The following HDAC4 variants were observed in gnomAD, a reference collection of about 807,000 sequenced individuals.
HDAC4 encodes the protein histone deacetylase A.
In HDAC4, 16 loss-of-function variants were observed where a neutral mutation model predicts 135.1. The observed-to-expected ratio is 0.12, with a 90% CI of 0.08 to 0.18. HDAC4 has a LOEUF of 0.18. HDAC4 is among the 10% of genes least tolerant of loss of function. The pLI, the probability that HDAC4 is intolerant of heterozygous loss-of-function variation, is 1.00. For synonymous variants in HDAC4, 685 were observed against 653.4 expected (o/e 1.05, Z -0.74); for missense variants, 1,143 against 1,511.8 (o/e 0.76, Z 4.05).
At chr2:239,385,112 C>T (rs902627647) in intron 1 of HDAC4, among the ~76,000 whole-genome samples, 1 of 152,224 alleles carries the variant, frequency 6.6e-6, no homozygotes, top group Non-Finnish European at 1.5e-5. Context: ...CACCTTGCTT[C>T]CCGGCCGCCT....
At chr2:239,236,456 C>T (rs990662720) in intron 3 of HDAC4, 137 bp downstream of exon 3, 19 of 678,822 alleles carry the variant, frequency 2.8e-5, no homozygotes, top group Non-Finnish European at 4.0e-5. Context: ...CCAGGAAGAG[C>T]ACCCAAATTC....
intron 2 of HDAC4, among the ~76,000 whole-genome samples, chr2:239,237,137 T>G (rs2047931713): frequency 6.6e-6 from 1 of 152,192 alleles, no homozygotes; most frequent in Non-Finnish European, 1.5e-5. Context: ...CCACTCTAGC[T>G]GCAAATAGGC....
intron 2 of HDAC4, among the ~76,000 whole-genome samples, chr2:239,351,436 G>A (rs1473113733): frequency 6.6e-6 from 1 of 152,144 alleles, no homozygotes; most frequent in Non-Finnish European, 1.5e-5. Context: ...ACTATGTTTA[G>A]ACACAGAAAA....
intron 11 of HDAC4, among the ~76,000 whole-genome samples, chr2:239,133,199 CAAG>C (rs2040716821): frequency 2.6e-5 from 4 of 152,194 alleles, no homozygotes; most frequent in Admixed American, 2.6e-4. Context: ...CAGCACAAAA[CAAG>C]AAAACACCAA....
At position 239,102,739 on chromosome 2, in the gene HDAC4, A is replaced by C. The variant is rs769490199; in HGVS notation, c.2233+37T>G. ...TGGAAACACAACCTCAGGGGACTTC[A>C]AACCCAATATGGGAGGAAAGGAAGG... On this transcript the variant is annotated intron_variant, in intron 16 of 26. Coordinates refer to ENST00000543185, the MANE Select transcript of HDAC4 (RefSeq NM_001378414.1). The C allele has an allele frequency of 2.5e-6, 4 of 1,612,868 alleles. No individual in the cohort carries two copies. In the East Asian group the frequency reaches 8.9e-5, roughly 36 times the overall value.
intron 4 of HDAC4, among the ~76,000 whole-genome samples, chr2:239,188,304 T>C (rs2044685493): frequency 1.3e-5 from 2 of 152,210 alleles, no homozygotes; most frequent in South Asian, 4.1e-4. Flanking sequence ...TTTACCTCCA[T>C]TTCTCGACAG....
At chr2:239,322,635 C>T (rs2053352295) in intron 2 of HDAC4, among the ~76,000 whole-genome samples, 1 of 152,190 alleles carries the variant, frequency 6.6e-6, no homozygotes, top group African/African-American at 2.4e-5. Context: ...CAGTAGACCC[C>T]AGTGCTTACA....
At chr2:239,176,749 G>T (rs1345272433) in intron 4 of HDAC4, among the ~76,000 whole-genome samples, 186 bp from the exon 5 acceptor site, 1 of 152,184 alleles carries the variant, frequency 6.6e-6, no homozygotes, top group Non-Finnish European at 1.5e-5. Flanking sequence ...TCCGGGCTCT[G>T]GGCATTGTCT....
Position 239,303,747 on chromosome 2 carries a change from T to G in HDAC4, c.22+48931A>C, listed in dbSNP as rs1340480908. ...GGGCAGCAACTGCAGGCCTCACCCCTCACTCTTCAAAAGCGACTGCGACAG... is the reference window on the plus strand; with the variant it reads ...GGGCAGCAACTGCAGGCCTCACCCCGCACTCTTCAAAAGCGACTGCGACAG... On this transcript the variant is annotated intron_variant, in intron 2 of 26. Coordinates refer to ENST00000543185, the MANE Select transcript of HDAC4 (RefSeq NM_001378414.1). The surrounding 1 kb of genome is among the most constrained non-coding windows in gnomAD (Gnocchi z 5.1). Among the ~76,000 whole-genome samples, 1 of 152,132 alleles carries G rather than the reference T, an allele frequency of 6.6e-6. No individual in the cohort carries two copies. The highest frequency in any genetic ancestry group is 2.4e-5 in the African/African-American group (1 of 41,432).
chr2:239,072,314 C>T (rs1253049181), intron 22 of HDAC4, among the ~76,000 whole-genome samples: 2 of 152,208 alleles, frequency 1.3e-5, no homozygotes, highest in African/African-American at 2.4e-5. Context: ...GCATTTTCTA[C>T]GAACTTTTAA....
intron 3 of HDAC4, among the ~76,000 whole-genome samples, chr2:239,206,775 A>G (rs1377979532): frequency 1.3e-5 from 2 of 152,230 alleles, no homozygotes; most frequent in African/African-American, 2.4e-5. Flanking sequence ...CCTGGTACCA[A>G]AAGTCAAACC....
intron 3 of HDAC4, among the ~76,000 whole-genome samples, chr2:239,199,564 G>A (rs1257951576): frequency 2.0e-5 from 3 of 152,074 alleles, no homozygotes; most frequent in Non-Finnish European, 4.4e-5. Flanking sequence ...CTCCAAACTC[G>A]AGCAGTGAGG....
intron 1 of HDAC4, among the ~76,000 whole-genome samples, chr2:239,374,094 A>G (rs972980770): frequency 9.2e-5 from 14 of 152,222 alleles, no homozygotes; most frequent in Non-Finnish European, 4.4e-5. Context: ...GAGAACAGTG[A>G]TGCTATGGCG....
At chr2:239,398,397 C>G (rs1696710219) in intron 1 of HDAC4, among the ~76,000 whole-genome samples, 1 of 152,216 alleles carries the variant, frequency 6.6e-6, no homozygotes, top group Non-Finnish European at 1.5e-5. Flanking sequence ...GCATTGAAAC[C>G]TCACAATGAA....
intron 3 of HDAC4, among the ~76,000 whole-genome samples, chr2:239,221,866 C>T (rs184542108): frequency 6.6e-6 from 1 of 152,270 alleles, no homozygotes; most frequent in Non-Finnish European, 1.5e-5. Context: ...GAAGCTATCA[C>T]GAACTTTGAG....
chr2:239,054,758 C>T lies in HDAC4; in HGVS notation c.3079G>A (p.Glu1027Lys), dbSNP rs1452569685. 8 of 1,611,508 alleles carry T rather than the reference C, an allele frequency of 5.0e-6. No individual in the cohort carries two copies. The highest frequency in any genetic ancestry group is 1.1e-5 in the South Asian group (1 of 91,024). Residue 1027 changes from glutamate to lysine, a missense_variant, in exon 25 of 27, where the codon GAG becomes AAG. Glu to Lys is a moderately conservative substitution (Grantham distance 56, BLOSUM62 1). Transcript: ENST00000543185. ...NAVRSMEKVM[E>K]IHSKYWRCLQ... Reference sequence around the variant, plus strand: ...CAGCCAGGCAACTTACTGTGGATCTCCATGACTTTCTCCATGGAACGGACA... The same window carrying T: ...CAGCCAGGCAACTTACTGTGGATCTTCATGACTTTCTCCATGGAACGGACA...
In HDAC4 at chr2:239,146,756, C is replaced by T. The variant is rs2041792658; in HGVS notation, c.734-2042G>A. On this transcript the variant is annotated intron_variant, in intron 7 of 26. Transcript: ENST00000543185. The surrounding 1 kb of genome is among the most constrained non-coding windows in gnomAD (Gnocchi z 4.5). ...TTCCACAGGCCTCTGCTCCACGCCC[C>T]TCCCAAGGCTGCCCTGACCCCCCAC... Among the ~76,000 whole-genome samples, 1 of 151,772 alleles carries T rather than the reference C, an allele frequency of 6.6e-6. No individual in the cohort carries two copies. The highest frequency in any genetic ancestry group is 2.4e-5 in the African/African-American group (1 of 41,212).
At chr2:239,401,643 T>C (rs1697009740), upstream of HDAC4, 1 of 259,980 alleles carries the variant, frequency 3.8e-6, no homozygotes, top group African/African-American at 2.4e-5. Context: ...CCATCTTGGA[T>C]ACTGGCAGTG....
chr2:239,398,748 G>C (rs539637050), intron 1 of HDAC4, among the ~76,000 whole-genome samples: 6 of 152,332 alleles, frequency 3.9e-5, no homozygotes, highest in Admixed American at 3.3e-4. Context: ...AGGGCTCCGA[G>C]GCCACATCTG....
Sources: allele counts gnomAD v4.1 joint callset (sites outside exome capture counted in the v4.1 genomes callset), GRCh38; gene constraint gnomAD v4.1.1; non-coding constraint Gnocchi (gnomAD v3.1); transcripts MANE v1.5; gene names NCBI Gene and HGNC (gene_info 2026-07-23, HGNC 2026-07-21).